Variants in TSPEAR observed in about 807,000 individuals in gnomAD.
The protein encoded by TSPEAR is thrombospondin-type laminin G domain and EAR repeat-containing protein.
Under a neutral mutation model 71.6 loss-of-function variants are expected in TSPEAR, and 69 were observed. The ratio of observed to expected loss-of-function variants is 0.96; its 90% CI spans 0.79 to 1.18. The LOEUF is 1.18. Among genes scored for constraint, TSPEAR ranks in the 50% most tolerant of loss-of-function variants. TSPEAR has a pLI of 0.00. For synonymous variants in TSPEAR, 402 were observed against 387.2 expected (o/e 1.04, Z -0.45); for missense variants, 971 against 894.9 (o/e 1.09, Z -1.09).
At chr21:44,703,184 C>A (rs1200451228) in intron 1 of TSPEAR, among the ~76,000 whole-genome samples, 1 of 152,232 alleles carries the variant, frequency 6.6e-6, no homozygotes, top group Non-Finnish European at 1.5e-5. Context: ...GTGTTTATTT[C>A]ATTCTTTCTC....
chr21:44,667,153 C>T (rs1363517803), intron 1 of TSPEAR, among the ~76,000 whole-genome samples: 1 of 152,204 alleles, frequency 6.6e-6, no homozygotes, highest in Admixed American at 6.5e-5. Flanking sequence ...GTTTTACTGG[C>T]TTCATCAAGA....
At chr21:44,675,719 A>G in intron 1 of TSPEAR, 1 of 383,610 alleles carries the variant, frequency 2.6e-6, no homozygotes, top group Non-Finnish European at 4.7e-6. Flanking sequence ...AGTGGAAAGA[A>G]TATAAATGCA....
In TSPEAR at chr21:44,565,757, A is replaced by C. The variant is rs143037531; in HGVS notation, c.303+2028T>G. On this transcript the variant is annotated intron_variant, in intron 2 of 11. Coordinates refer to ENST00000323084, the MANE Select transcript of TSPEAR (RefSeq NM_144991.3). ...ATGAAGAATCCACAGTTAATATTAT[A>C]CTTAGTGGGAAAAAATAAAAAGCAT... Among the ~76,000 whole-genome samples the C allele has an allele frequency of 4.7e-3, 721 of 152,356 alleles. 3 individuals are homozygous for C. Among genetic ancestry groups the C allele is most frequent in the Non-Finnish European group, 6.4e-3 (437 of 68,036 alleles).
At chr21:44,583,198 C>G (rs192008473) in intron 1 of TSPEAR, among the ~76,000 whole-genome samples, 1 of 152,188 alleles carries the variant, frequency 6.6e-6, no homozygotes, top group East Asian at 1.9e-4. Context: ...GTGAGCTGAG[C>G]TGCAGGGATT....
At chr21:44,566,364 T>C (rs1176719885) in intron 2 of TSPEAR, among the ~76,000 whole-genome samples, 1 of 152,068 alleles carries the variant, frequency 6.6e-6, no homozygotes, top group African/African-American at 2.4e-5. Flanking sequence ...ATGTAAACAA[T>C]GGAAAAGCAT....
chr21:44,650,412 TGTGACGACGGCGGCAGAGACTGGGGCCAC>T (rs1569240977), intron 1 of TSPEAR, among the ~76,000 whole-genome samples: 2 of 14,718 alleles, frequency 1.4e-4, no homozygotes, highest in East Asian at 1.1e-3. Context: ...GAGAACGCCA[TGTGACGACGGCGGCAGAGACTGGGGCCAC>T]GTGACGACGG....
chr21:44,670,197 G>A (rs1311790598), intron 1 of TSPEAR, among the ~76,000 whole-genome samples: 4 of 152,172 alleles, frequency 2.6e-5, no homozygotes, highest in African/African-American at 9.7e-5. Context: ...AGAAGTTCAT[G>A]GTAAATTATT....
At chr21:44,621,305 T>C (rs1982417561) in intron 1 of TSPEAR, among the ~76,000 whole-genome samples, 1 of 152,230 alleles carries the variant, frequency 6.6e-6, no homozygotes, top group South Asian at 2.1e-4. Flanking sequence ...ACTGGAACTG[T>C]CTATTTCTTT....
intron 1 of TSPEAR, chr21:44,682,057 A>C: frequency 6.2e-7 from 1 of 1,614,034 alleles, no homozygotes; most frequent in Non-Finnish European, 8.5e-7. Context: ...ATGTAACAGG[A>C]TGCCTGGCAG....
intron 1 of TSPEAR, chr21:44,658,428 A>AG: frequency 2.9e-6 from 2 of 700,004 alleles, no homozygotes; most frequent in Non-Finnish European, 2.4e-6. Flanking sequence ...CAGACCTTCC[A>AG]TGACCCTGGG....
intron 1 of TSPEAR, chr21:44,627,089 C>A: frequency 6.4e-7 from 1 of 1,559,370 alleles, no homozygotes; most frequent in Non-Finnish European, 8.7e-7. Flanking sequence ...GCCCCAAGAA[C>A]CTCACACACT....
chr21:44,502,575 A>G (rs930729329), intron 11 of TSPEAR, among the ~76,000 whole-genome samples: 4 of 152,246 alleles, frequency 2.6e-5, no homozygotes, highest in Non-Finnish European at 5.9e-5. Context: ...AAAATTAAAT[A>G]TCAACAACTC....
At chr21:44,505,240 G>A (rs1252805757) in intron 10 of TSPEAR, among the ~76,000 whole-genome samples, 4 of 151,738 alleles carry the variant, frequency 2.6e-5, no homozygotes, top group East Asian at 3.9e-4. Flanking sequence ...CACCACGCCC[G>A]GCTAATTTTT....
At chr21:44,697,035 CTCCCTCCCTCCT>C in intron 1 of TSPEAR, 1 of 1,003,632 alleles carries the variant, frequency 1.0e-6, no homozygotes. Flanking sequence ...CGCTCACTCA[CTCCCTCCCTCCT>C]GCCCATCCAG....
At chr21:44,539,932 G>A in intron 2 of TSPEAR, 3 of 1,613,820 alleles carry the variant, frequency 1.9e-6, no homozygotes, top group Non-Finnish European at 2.5e-6. Context: ...GCGTGCAGGA[G>A]CTGGTGCAGC....
At chr21:44,610,921 G>T (rs1157169419) in intron 1 of TSPEAR, among the ~76,000 whole-genome samples, 3 of 152,172 alleles carry the variant, frequency 2.0e-5, no homozygotes, top group South Asian at 2.1e-4. Context: ...TTTTGGACTT[G>T]CATGGGCCCT....
intron 1 of TSPEAR, among the ~76,000 whole-genome samples, chr21:44,635,919 G>T (rs1983534967): frequency 6.6e-6 from 1 of 152,162 alleles, no homozygotes; most frequent in African/African-American, 2.4e-5. Flanking sequence ...GCTCTTACAG[G>T]TGGGAGACGT....
At chr21:44,677,333 C>A (rs1456136181) in intron 1 of TSPEAR, 31 of 1,314,100 alleles carry the variant, frequency 2.4e-5, no homozygotes, top group Non-Finnish European at 3.0e-5. Flanking sequence ...TGCCCTCAAT[C>A]TCAGAATTGT....
rs1555910826 is a variant in TSPEAR at position 44,499,267 on chromosome 21, G to C, written c.*516C>G. ...CTGTCCGTGTCCGTGGTGAGGGGCT[G>C]TGCCCACCCGCTGCCTAGAGAGGAG... On this transcript the variant is annotated 3_prime_UTR_variant, in exon 12 of 12. Transcript: ENST00000323084. The C allele has an allele frequency of 6.5e-6, 1 of 152,908 alleles. No homozygotes were observed. Among genetic ancestry groups the C allele is most frequent in the East Asian group, 1.9e-4 (1 of 5,198 alleles). 9.5% of individuals were successfully genotyped at this position (152,908 alleles called of 1,614,324 possible).
Sources: gnomAD v4.1 joint callset for allele counts (sites outside exome capture counted in the v4.1 genomes callset) on GRCh38, gnomAD v4.1.1 for gene constraint, MANE v1.5 for transcripts, NCBI Gene and HGNC (gene_info 2026-07-23, HGNC 2026-07-21) for gene names.